LRRC4C: variants seen among roughly 807,000 people sequenced by gnomAD.
The protein encoded by LRRC4C is leucine-rich repeat-containing protein 4C.
LRRC4C carries 5 observed loss-of-function variants against 33.6 expected under a neutral mutation model. The observed-to-expected ratio is 0.15, with a 90% CI of 0.08 to 0.31. The LOEUF is 0.31. Among genes scored for constraint, LRRC4C ranks in the 10% least tolerant of loss-of-function variants. LRRC4C has a pLI of 1.00. For synonymous variants in LRRC4C, 329 were observed against 302.0 expected (o/e 1.09, Z -0.93); for missense variants, 560 against 796.7 (o/e 0.70, Z 3.58).
intron 1 of LRRC4C, among the ~76,000 whole-genome samples, chr11:41,128,632 C>T (rs914201677): frequency 3.1e-4 from 47 of 152,032 alleles, no homozygotes; most frequent in African/African-American, 1.1e-3. Context: ...TAAATTAGTT[C>T]ATGTGACCTC....
intron 1 of LRRC4C, among the ~76,000 whole-genome samples, chr11:41,369,731 G>C (rs545361780): frequency 1.1e-4 from 16 of 152,016 alleles, no homozygotes; most frequent in African/African-American, 3.9e-4. Flanking sequence ...ATGGCAGAAT[G>C]CTCATATAAG....
intron 2 of LRRC4C, among the ~76,000 whole-genome samples, chr11:40,740,763 T>C (rs1253578713): frequency 6.6e-6 from 1 of 152,090 alleles, no homozygotes; most frequent in Non-Finnish European, 1.5e-5. Context: ...TTTTAAGATT[T>C]CAAGTCACAG....
intron 1 of LRRC4C, among the ~76,000 whole-genome samples, chr11:41,217,328 C>A (rs951799730): frequency 2.0e-5 from 3 of 152,134 alleles, no homozygotes; most frequent in African/African-American, 7.2e-5. Context: ...AAATATTAAT[C>A]TCCACTATAA....
intron 2 of LRRC4C, among the ~76,000 whole-genome samples, chr11:40,867,089 T>C (rs986042568): frequency 1.3e-5 from 2 of 152,196 alleles, no homozygotes; most frequent in African/African-American, 4.8e-5. Context: ...TCCTTTTCCT[T>C]TCAAATCTTA....
intron 1 of LRRC4C, among the ~76,000 whole-genome samples, chr11:41,337,305 C>G (rs1254542691): frequency 5.9e-5 from 9 of 152,170 alleles, no homozygotes; most frequent in African/African-American, 2.2e-4. Flanking sequence ...CCTGACCTCT[C>G]ATAGTGTTGA....
chr11:40,420,062 C>A (rs893814371), intron 3 of LRRC4C, among the ~76,000 whole-genome samples: 1 of 152,150 alleles, frequency 6.6e-6, no homozygotes. Context: ...CTGGGGCATT[C>A]TAGCAAATAT....
At chr11:40,461,101 C>T (rs912751446) in intron 3 of LRRC4C, among the ~76,000 whole-genome samples, 2 of 152,020 alleles carry the variant, frequency 1.3e-5, no homozygotes, top group African/African-American at 4.8e-5. Context: ...ATGTCAACAA[C>T]AAAACAGACA....
intron 3 of LRRC4C, among the ~76,000 whole-genome samples, chr11:40,400,640 T>C (rs1351631376): frequency 6.6e-6 from 1 of 152,108 alleles, no homozygotes; most frequent in Admixed American, 6.6e-5. Context: ...CCAGCACTGA[T>C]GAAACTCCAG....
At chr11:41,280,686 C>A (rs1949635446) in intron 1 of LRRC4C, among the ~76,000 whole-genome samples, 2 of 152,128 alleles carry the variant, frequency 1.3e-5, no homozygotes, top group Non-Finnish European at 2.9e-5. Context: ...TATTATTGTT[C>A]TCTCCATGTC....
At chr11:41,233,322 G>A (rs371356154) in intron 1 of LRRC4C, among the ~76,000 whole-genome samples, 64 of 151,950 alleles carry the variant, frequency 4.2e-4, no homozygotes, top group Middle Eastern at 3.4e-3. Flanking sequence ...GCCTTAGGGG[G>A]AAAAATTGTT....
intron 2 of LRRC4C, among the ~76,000 whole-genome samples, chr11:40,870,478 C>T (rs954788926): frequency 2.0e-5 from 3 of 152,130 alleles, no homozygotes; most frequent in Admixed American, 6.6e-5. Flanking sequence ...GAACCCCAAA[C>T]GGAGGGACTG....
At chr11:40,246,411 C>T (rs1866344880) in intron 4 of LRRC4C, among the ~76,000 whole-genome samples, 1 of 152,182 alleles carries the variant, frequency 6.6e-6, no homozygotes, top group South Asian at 2.1e-4. Flanking sequence ...TGATTTAGTA[C>T]TTCATCTCTG....
chr11:40,716,343 TAAAAA>T (rs1946716253), intron 2 of LRRC4C, among the ~76,000 whole-genome samples: 1 of 152,114 alleles, frequency 6.6e-6, no homozygotes, highest in African/African-American at 2.4e-5. Context: ...TACTTGGTGT[TAAAAA>T]ATAATAAATA....
Position 40,545,698 on chromosome 11 carries a change from A to AG in LRRC4C, c.-270+102443dup, listed in dbSNP as rs1433465406. ...AGTTCACCTTGCGCTTTAACCTCCA[A>AG]GAGCCATTTTTCATTGCCTGACAAT... On this transcript the variant is annotated intron_variant, in intron 3 of 6. Coordinates refer to ENST00000528697, the MANE Select transcript of LRRC4C (RefSeq NM_001258419.2). 2.6e-5 allele frequency among the ~76,000 whole-genome samples: 4 copies of AG among 152,152 alleles called. No individual in the cohort carries two copies. The South Asian group carries it at 6.2e-4, about 24-fold the overall frequency.
intron 5 of LRRC4C, among the ~76,000 whole-genome samples, chr11:40,188,787 G>T (rs184024468): frequency 5.3e-5 from 8 of 151,404 alleles, no homozygotes; most frequent in Admixed American, 2.0e-4. Flanking sequence ...TTCCTGGAAA[G>T]AGGCTTTAAA....
chr11:41,360,140 G>A (rs921193454), intron 1 of LRRC4C, among the ~76,000 whole-genome samples: 7 of 152,056 alleles, frequency 4.6e-5, no homozygotes, highest in African/African-American at 1.4e-4. Flanking sequence ...CGGAGATCGC[G>A]CCACTGCACT....
chr11:40,698,199 T>C (rs951428230), intron 2 of LRRC4C, among the ~76,000 whole-genome samples: 2 of 152,284 alleles, frequency 1.3e-5, no homozygotes, highest in Middle Eastern at 3.4e-3. Flanking sequence ...TTTCATATGG[T>C]TATGCAGTAC....
At chr11:40,379,932 T>A (rs1565331239) in intron 3 of LRRC4C, among the ~76,000 whole-genome samples, 1 of 152,152 alleles carries the variant, frequency 6.6e-6, no homozygotes, top group Non-Finnish European at 1.5e-5. Context: ...GAGCAACCTG[T>A]GTTTTAATGA....
At chr11:40,330,098 G>C (rs1289336412) in intron 3 of LRRC4C, among the ~76,000 whole-genome samples, 1 of 152,122 alleles carries the variant, frequency 6.6e-6, no homozygotes, top group Non-Finnish European at 1.5e-5. Flanking sequence ...AGTCATACCA[G>C]TCGGGTGTTA....
Sources: gnomAD v4.1 joint callset for allele counts (sites outside exome capture counted in the v4.1 genomes callset) on GRCh38, gnomAD v4.1.1 for gene constraint, MANE v1.5 for transcripts, NCBI Gene and HGNC (gene_info 2026-07-23, HGNC 2026-07-21) for gene names.